Variants in ROR1 observed in about 807,000 individuals in gnomAD.
ROR1 encodes inactive tyrosine-protein kinase transmembrane receptor ROR1.
Under a neutral mutation model 78.8 loss-of-function variants are expected in ROR1, and 19 were observed. The ratio of observed to expected loss-of-function variants is 0.24; its 90% CI spans 0.17 to 0.35. The LOEUF (loss-of-function observed/expected upper bound fraction) is 0.35, where lower values mean the gene tolerates loss of function less well. ROR1 is among the 10% of genes least tolerant of loss of function. The probability of loss-of-function intolerance (pLI) is 1.00; values close to 1 mark genes in which losing one functional copy is unlikely to be tolerated. For missense variants in ROR1, 917 were observed against 1,177.8 expected (o/e 0.78, Z 3.24); for synonymous variants, 386 against 433.6 (o/e 0.89, Z 1.36).
chr1:63,928,186 G>A lies in ROR1; in HGVS notation c.92-81119G>A, dbSNP rs187705864. ...CAAGCTCCATAAGAATCCTGGGTAG[G>A]AGTAATTAACTTATTTTGGAGGACG... is the stretch of plus-strand genomic sequence containing the variant. On this transcript the variant is annotated intron_variant, in intron 1 of 8. Coordinates refer to ENST00000371079, the MANE Select transcript of ROR1 (RefSeq NM_005012.4). 3.3e-5 allele frequency among the ~76,000 whole-genome samples: 5 copies of A among 152,282 alleles called. No individual in the cohort carries two copies. The East Asian group carries it at 9.6e-4, about 29-fold the overall frequency.
At chr1:64,130,452 G>A (rs1288507971) in intron 4 of ROR1, among the ~76,000 whole-genome samples, 1 of 152,094 alleles carries the variant, frequency 6.6e-6, no homozygotes, top group Non-Finnish European at 1.5e-5. Flanking sequence ...TCTGCTTTTG[G>A]TGCTCCCGAC....
intron 4 of ROR1, among the ~76,000 whole-genome samples, chr1:64,078,700 C>T (rs1647073340): frequency 6.6e-6 from 1 of 152,146 alleles, no homozygotes; most frequent in Admixed American, 6.5e-5. Context: ...GACATAGACA[C>T]ATTCTAAGAA....
intron 2 of ROR1, among the ~76,000 whole-genome samples, chr1:64,044,771 A>T (rs1312546559): frequency 6.6e-6 from 1 of 152,180 alleles, no homozygotes; most frequent in Non-Finnish European, 1.5e-5. Context: ...GCTTGAAGGA[A>T]ACAGTAGTAT....
intron 4 of ROR1, among the ~76,000 whole-genome samples, chr1:64,074,443 G>A (rs1415473188): frequency 6.6e-6 from 1 of 152,236 alleles, no homozygotes; most frequent in Non-Finnish European, 1.5e-5. Context: ...CTTCCTGGCA[G>A]AGGCTGAACT....
At chr1:64,013,599 GC>G (rs1206947243) in intron 2 of ROR1, among the ~76,000 whole-genome samples, 1 of 152,062 alleles carries the variant, frequency 6.6e-6, no homozygotes, top group Admixed American at 6.6e-5. Context: ...TCCCCGCAGT[GC>G]CCCTAATGGA....
intron 1 of ROR1, among the ~76,000 whole-genome samples, chr1:63,781,064 AG>A (rs1644649027): frequency 6.6e-6 from 1 of 152,182 alleles, no homozygotes. Context: ...GGGAAGCAGG[AG>A]GGGTGATAAA....
chr1:64,116,552 G>C (rs1054020394), intron 4 of ROR1, among the ~76,000 whole-genome samples: 9 of 152,178 alleles, frequency 5.9e-5, no homozygotes, highest in African/African-American at 2.2e-4. Context: ...CTGATATTGT[G>C]ATGGTTATTT....
At chr1:63,806,369 G>T (rs1489045326) in intron 1 of ROR1, among the ~76,000 whole-genome samples, 1 of 148,896 alleles carries the variant, frequency 6.7e-6, no homozygotes, top group African/African-American at 2.5e-5. Flanking sequence ...CCAGGCTGGA[G>T]TGCAGTGGCA....
intron 8 of ROR1, among the ~76,000 whole-genome samples, chr1:64,172,267 G>T (rs1164059505): frequency 1.3e-5 from 2 of 152,042 alleles, no homozygotes; most frequent in African/African-American, 4.8e-5. Flanking sequence ...TAAATGACTC[G>T]CATCTAAAAT....
At chr1:63,888,323 A>G (rs1172411649) in intron 1 of ROR1, among the ~76,000 whole-genome samples, 1 of 152,112 alleles carries the variant, frequency 6.6e-6, no homozygotes, top group African/African-American at 2.4e-5. Context: ...TGTCGTTAAG[A>G]CTGATGCCCA....
chr1:64,124,359 GC>G, intron 4 of ROR1, among the ~76,000 whole-genome samples: 1 of 152,276 alleles, frequency 6.6e-6, no homozygotes, highest in Non-Finnish European at 1.5e-5. Flanking sequence ...CTGATCTCAA[GC>G]TTTGCCTTTC....
At chr1:64,022,463 T>C (rs1467495538) in intron 2 of ROR1, among the ~76,000 whole-genome samples, 1 of 152,230 alleles carries the variant, frequency 6.6e-6, no homozygotes, top group East Asian at 1.9e-4. Context: ...TGAAGAGCTT[T>C]GGTCTTGCTA....
Position 64,158,991 on chromosome 1 carries a change from T to C in ROR1, c.1185T>C (p.Asp395=). ...LCDIPACDSK[D]SKEKNKMEIL... ...CATTTCTGCACCCAGATTCAAAGGA[T>C]TCCAAGGAGAAGAATAAAATGGAAA... The change falls in exon 8 of 9, where the codon GAT becomes GAC. Residue 395 remains aspartate (D), a synonymous_variant. Coordinates refer to ENST00000371079, the MANE Select transcript of ROR1 (RefSeq NM_005012.4). The C allele has an allele frequency of 6.2e-7, 1 of 1,613,902 alleles. No homozygotes were observed. Among genetic ancestry groups the C allele is most frequent in the Non-Finnish European group, 8.5e-7 (1 of 1,179,794 alleles).
intron 1 of ROR1, among the ~76,000 whole-genome samples, chr1:63,890,248 G>A (rs373274196): frequency 6.6e-6 from 1 of 151,314 alleles, no homozygotes; most frequent in Non-Finnish European, 1.5e-5. Context: ...TGGAGATCTC[G>A]GACTATTTTA....
intron 4 of ROR1, among the ~76,000 whole-genome samples, chr1:64,051,318 T>A (rs951556487): frequency 6.6e-6 from 1 of 151,424 alleles, no homozygotes. Context: ...TGCGTCGTGG[T>A]GGGCGCCTGT....
intron 1 of ROR1, among the ~76,000 whole-genome samples, chr1:63,967,658 A>G (rs1646086103): frequency 6.6e-6 from 1 of 152,194 alleles, no homozygotes; most frequent in African/African-American, 2.4e-5. Flanking sequence ...AACTGCTCTA[A>G]AGTGACCTGC....
At chr1:64,002,157 C>T (rs1395051648) in intron 1 of ROR1, among the ~76,000 whole-genome samples, 2 of 124,414 alleles carry the variant, frequency 1.6e-5, no homozygotes, top group Admixed American at 9.4e-5. Context: ...TTTTTTGAGA[C>T]GGAGTCTCGC....
chr1:63,982,647 A>G (rs960549952), intron 1 of ROR1, among the ~76,000 whole-genome samples: 4 of 152,212 alleles, frequency 2.6e-5, no homozygotes, highest in Non-Finnish European at 5.9e-5. Context: ...GTGTCAAATA[A>G]TTAAATGCCC....
chr1:64,056,412 T>G (rs928726201), intron 4 of ROR1, among the ~76,000 whole-genome samples: 3 of 151,946 alleles, frequency 2.0e-5, no homozygotes, highest in Non-Finnish European at 2.9e-5. Flanking sequence ...CAGTGGTTCA[T>G]GCCTGTAATT....
Sources: gnomAD v4.1 joint callset for allele counts (sites outside exome capture counted in the v4.1 genomes callset) on GRCh38, gnomAD v4.1.1 for gene constraint, MANE v1.5 for transcripts, NCBI Gene and HGNC (gene_info 2026-07-23, HGNC 2026-07-21) for gene names.